CERS3: variants seen among roughly 807,000 people sequenced by gnomAD.
CERS3 encodes the protein LAG1 homolog, ceramide synthase 3.
CERS3 carries 33 observed loss-of-function variants against 50.3 expected under a neutral mutation model. The observed-to-expected ratio is 0.66, with a 90% confidence interval of 0.50 to 0.88. The LOEUF (loss-of-function observed/expected upper bound fraction) is 0.88, where lower values mean the gene tolerates loss of function less well. CERS3 is among the 40% of genes least tolerant of loss of function. The pLI is 0.00. For synonymous variants in CERS3, 176 were observed against 155.2 expected (o/e 1.13, Z -0.99); for missense variants, 470 against 460.3 (o/e 1.02, Z -0.19).
At chr15:100,520,777 G>A (rs913590022) in intron 2 of CERS3, among the ~76,000 whole-genome samples, 2 of 152,136 alleles carry the variant, frequency 1.3e-5, no homozygotes, top group Admixed American at 1.3e-4. Context: ...ACTAGGAGTG[G>A]GCAGGGTGGG....
At chr15:100,461,059 C>A (rs1274347760) in intron 10 of CERS3, among the ~76,000 whole-genome samples, 1 of 152,010 alleles carries the variant, frequency 6.6e-6, no homozygotes, top group Non-Finnish European at 1.5e-5. Context: ...CTCAGGTAGG[C>A]CTTGCAAGTC....
intron 2 of CERS3, among the ~76,000 whole-genome samples, chr15:100,511,392 T>C (rs920546869): frequency 6.6e-6 from 1 of 152,152 alleles, no homozygotes; most frequent in South Asian, 2.1e-4. Flanking sequence ...TATAAAGAAC[T>C]TCTATAACTC....
intron 11 of CERS3, among the ~76,000 whole-genome samples, chr15:100,426,276 T>C (rs2032806358): frequency 6.6e-6 from 1 of 152,192 alleles, no homozygotes; most frequent in Non-Finnish European, 1.5e-5. Flanking sequence ...ACAATTCCAT[T>C]TATGGAGAAA....
At chr15:100,544,084 C>T (rs1247648247) in intron 1 of CERS3, 1 of 152,370 alleles carries the variant, frequency 6.6e-6, no homozygotes, top group African/African-American at 2.4e-5. Flanking sequence ...AATCCCCCAC[C>T]TCGGCACCCA....
At chr15:100,467,850 T>TATATATATATAGATAGATAG (rs145899470) in intron 10 of CERS3, among the ~76,000 whole-genome samples, 1 of 93,138 alleles carries the variant, frequency 1.1e-5, no homozygotes, top group African/African-American at 3.7e-5. Context: ...TATATATATA[T>TATATATATATAGATAGATAG]ATAGATAGAT....
At chr15:100,449,107 C>T (rs1024791869) in intron 11 of CERS3, among the ~76,000 whole-genome samples, 2 of 152,184 alleles carry the variant, frequency 1.3e-5, no homozygotes, top group African/African-American at 2.4e-5. Flanking sequence ...ACACTCCCTC[C>T]CCCTACTGCC....
intron 11 of CERS3, among the ~76,000 whole-genome samples, chr15:100,416,445 A>G (rs966375700): frequency 2.0e-5 from 3 of 152,186 alleles, no homozygotes; most frequent in African/African-American, 7.2e-5. Context: ...GGGAGTAAAT[A>G]TTTGCAAACT....
intron 2 of CERS3, among the ~76,000 whole-genome samples, chr15:100,517,758 A>G (rs1056717871): frequency 6.6e-6 from 1 of 152,210 alleles, no homozygotes; most frequent in African/African-American, 2.4e-5. Flanking sequence ...CTTGGAAAAG[A>G]ACAAGATGAC....
At chr15:100,475,126 T>G (rs1044209806) in intron 8 of CERS3, among the ~76,000 whole-genome samples, 5 of 152,154 alleles carry the variant, frequency 3.3e-5, no homozygotes, top group East Asian at 1.9e-4. Context: ...ACTCAACCAA[T>G]TAAATTTTGA....
intron 5 of CERS3, among the ~76,000 whole-genome samples, chr15:100,480,853 G>A (rs1329435893): frequency 1.3e-5 from 2 of 152,170 alleles, no homozygotes; most frequent in African/African-American, 2.4e-5. Context: ...ATCTGTGGTA[G>A]GCGAGAGGTG....
At chr15:100,474,561 C>T (rs1223485238) in intron 8 of CERS3, among the ~76,000 whole-genome samples, 1 of 152,162 alleles carries the variant, frequency 6.6e-6, no homozygotes, top group African/African-American at 2.4e-5. Context: ...TGTGCCACCA[C>T]ACCTGGCTAA....
At chr15:100,449,384 A>G (rs1054539226) in intron 11 of CERS3, among the ~76,000 whole-genome samples, 5 of 152,206 alleles carry the variant, frequency 3.3e-5, no homozygotes, top group African/African-American at 1.2e-4. Flanking sequence ...CTAGGGGCCC[A>G]AAGGCCAACC....
intron 5 of CERS3, among the ~76,000 whole-genome samples, chr15:100,480,595 AT>A (rs1485469387): frequency 1.3e-5 from 2 of 152,216 alleles, no homozygotes; most frequent in African/African-American, 4.8e-5. Flanking sequence ...ACATCAAAAA[AT>A]TGTAACAAAT....
intron 7 of CERS3, among the ~76,000 whole-genome samples, chr15:100,477,885 G>A (rs1331111344): frequency 6.6e-6 from 1 of 152,178 alleles, no homozygotes; most frequent in African/African-American, 2.4e-5. Context: ...AAAGACTGAA[G>A]TCTACCTTGA....
chr15:100,404,493 A>G (rs2030825627), intron 11 of CERS3, among the ~76,000 whole-genome samples: 1 of 152,232 alleles, frequency 6.6e-6, no homozygotes, highest in Non-Finnish European at 1.5e-5. Context: ...ATAGTTGGAG[A>G]GACATACTAT....
At position 100,422,742 on chromosome 15, in the gene CERS3, A is replaced by G. The variant is rs867429125; in HGVS notation, c.1000-19877T>C. Among the ~76,000 whole-genome samples, 543 of 119,994 alleles carry G rather than the reference A, an allele frequency of 4.5e-3. 6 individuals are homozygous for G. Among genetic ancestry groups the G allele is most frequent in the African/African-American group, 0.017 (518 of 31,304 alleles). The allele number at this position is 119,994 out of a possible 152,430, so 78.7% of individuals were successfully genotyped here. A position where few individuals can be genotyped will look rare whatever the true frequency, so the allele number is the denominator to read the frequency against. ...AAATGTGGCACATATACACCATGGA[A>G]TACTATGCAGCCATAAAAAATGATG... On this transcript the variant is annotated intron_variant, in intron 11 of 11. Coordinates refer to ENST00000679737, the MANE Select transcript of CERS3 (RefSeq NM_001378789.1).
chr15:100,479,417 A>G lies in CERS3; in HGVS notation c.516+11T>C. The G allele has an allele frequency of 6.3e-7, 1 of 1,593,046 alleles. No homozygotes were observed. The highest frequency in any genetic ancestry group is 8.6e-7 in the Non-Finnish European group (1 of 1,166,768). On this transcript the variant is annotated intron_variant, in intron 7 of 11. Transcript: ENST00000679737. ...TCAAGTAAGGGGAGGAATATGTTAT[A>G]GTGGACTTACCTGTTTGGGATAGCC...
At chr15:100,458,415 T>C (rs1195853921) in intron 10 of CERS3, among the ~76,000 whole-genome samples, 1 of 152,016 alleles carries the variant, frequency 6.6e-6, no homozygotes, top group African/African-American at 2.4e-5. Context: ...TGAAACCCCA[T>C]ATCTACTAAA....
chr15:100,532,826 T>C (rs1463785761), upstream of CERS3, among the ~76,000 whole-genome samples: 1 of 152,206 alleles, frequency 6.6e-6, no homozygotes, highest in African/African-American at 2.4e-5. Context: ...TCTTCACAAG[T>C]GGTTCCCCAC....
Sources: allele counts gnomAD v4.1 joint callset (sites outside exome capture counted in the v4.1 genomes callset), GRCh38; gene constraint gnomAD v4.1.1; transcripts MANE v1.5; gene names NCBI Gene and HGNC (gene_info 2026-07-23, HGNC 2026-07-21).